The following INPP4B variants were observed in gnomAD, a reference collection of about 807,000 sequenced individuals.
INPP4B encodes inositol polyphosphate 4-phosphatase type II.
Under a neutral mutation model 122.5 loss-of-function variants are expected in INPP4B, and 55 were observed. The ratio of observed to expected loss-of-function variants is 0.45; its 90% CI spans 0.36 to 0.56. The LOEUF (loss-of-function observed/expected upper bound fraction) is 0.56, where lower values mean the gene tolerates loss of function less well. Ranked by LOEUF, INPP4B falls within the 20% of genes least tolerant of loss-of-function variation. The pLI is 0.00. For missense variants in INPP4B, 1,000 were observed against 1,097.7 expected, an observed-to-expected ratio of 0.91 and a Z score of 1.26; for synonymous variants, 403 against 388.7, an observed-to-expected ratio of 1.04 and a Z score of -0.43.
chr4:142,826,309 A>G (rs940733632), intron 1 of INPP4B, among the ~76,000 whole-genome samples: 2 of 152,228 alleles, frequency 1.3e-5, no homozygotes, highest in African/African-American at 4.8e-5. Context: ...CTTCGTTTTT[A>G]CTATTCTTGC....
chr4:142,724,827 C>T (rs1765134827), intron 2 of INPP4B, among the ~76,000 whole-genome samples: 1 of 152,032 alleles, frequency 6.6e-6, no homozygotes, highest in Non-Finnish European at 1.5e-5. Context: ...AATAAGCTTT[C>T]TGCTGATATC....
intron 1 of INPP4B, among the ~76,000 whole-genome samples, chr4:142,827,343 T>C (rs1781572030): frequency 6.6e-6 from 1 of 152,222 alleles, no homozygotes; most frequent in Admixed American, 6.6e-5. Flanking sequence ...TTTTATTTTA[T>C]CTGCTCCACT....
intron 25 of INPP4B, among the ~76,000 whole-genome samples, chr4:142,047,563 T>C (rs1752240972): frequency 6.6e-6 from 1 of 152,050 alleles, no homozygotes; most frequent in South Asian, 2.1e-4. Context: ...ATCTCATTAG[T>C]ACTCCATGGG....
intron 7 of INPP4B, among the ~76,000 whole-genome samples, chr4:142,378,133 C>T (rs188916107): frequency 6.6e-6 from 1 of 152,246 alleles, no homozygotes; most frequent in East Asian, 1.9e-4. Flanking sequence ...AGAGCAGGTG[C>T]TGAAGTCTCC....
chr4:142,224,147 C>T (rs1561532619), intron 12 of INPP4B, among the ~76,000 whole-genome samples: 1 of 152,156 alleles, frequency 6.6e-6, no homozygotes, highest in Non-Finnish European at 1.5e-5. Context: ...GATATAAAAT[C>T]ATGCCTACCT....
intron 2 of INPP4B, among the ~76,000 whole-genome samples, chr4:142,544,963 C>T (rs1226579993): frequency 6.6e-6 from 1 of 152,018 alleles, no homozygotes. Flanking sequence ...CACTGAGAAA[C>T]AAAACCATGT....
chr4:142,654,631 T>C (rs1342842198), intron 2 of INPP4B: 1 of 152,230 alleles, frequency 6.6e-6, no homozygotes, highest in Non-Finnish European at 1.5e-5. Context: ...GTTTCTAAAG[T>C]TCTTGTTTCA....
chr4:142,640,548 T>A (rs1750161251), intron 2 of INPP4B, among the ~76,000 whole-genome samples: 1 of 151,778 alleles, frequency 6.6e-6, no homozygotes, highest in Non-Finnish European at 1.5e-5. Flanking sequence ...GGATATAACA[T>A]CAACAATTTA....
At chr4:142,604,140 C>T (rs1012066906) in intron 2 of INPP4B, among the ~76,000 whole-genome samples, 1 of 151,998 alleles carries the variant, frequency 6.6e-6, no homozygotes, top group African/African-American at 2.4e-5. Context: ...ATGATCATAT[C>T]AATAGATGCA....
At position 142,208,518 on chromosome 4, in the gene INPP4B, T is replaced by G. The variant is rs764892826; in HGVS notation, c.979A>C (p.Lys327Gln). The change falls in exon 14 of 26, where the codon AAA becomes CAA. Residue 327 changes from lysine (K) to glutamine (Q), a missense_variant. Lys to Gln is a moderately conservative substitution (Grantham distance 53). Coordinates refer to ENST00000262992, the MANE Select transcript of INPP4B (RefSeq NM_001101669.3). Reference protein sequence around the residue: ...ELSKETGSSFKSSSSKGEKTL... With the variant: ...ELSKETGSSFQSSSSKGEKTL... ...TTCTCTCCTTTGCTGCTGCTTGATT[T>G]GAAAGAGGACCCTGATGGAAACCAG... is the stretch of plus-strand genomic sequence containing the variant. 1.3e-6 allele frequency: 2 copies of G among 1,586,314 alleles called. No homozygotes were observed.
At chr4:142,383,528 A>G (rs139003525) in intron 7 of INPP4B, among the ~76,000 whole-genome samples, 1 of 152,156 alleles carries the variant, frequency 6.6e-6, no homozygotes, top group African/African-American at 2.4e-5. Flanking sequence ...TTATGTGGAC[A>G]TGTCAAAATT....
At chr4:142,556,866 C>A (rs977421182) in intron 2 of INPP4B, among the ~76,000 whole-genome samples, 5 of 152,046 alleles carry the variant, frequency 3.3e-5, no homozygotes, top group African/African-American at 4.8e-5. Flanking sequence ...AAGCTGATAC[C>A]TAGGAAACCT....
intron 10 of INPP4B, among the ~76,000 whole-genome samples, chr4:142,263,894 C>T (rs778458168): frequency 1.3e-5 from 2 of 151,534 alleles, no homozygotes; most frequent in African/African-American, 4.8e-5. Context: ...GTGCAGGGGC[C>T]TTGAGTTGGC....
intron 7 of INPP4B, among the ~76,000 whole-genome samples, chr4:142,329,892 G>A (rs1773815119): frequency 6.6e-6 from 1 of 151,844 alleles, no homozygotes; most frequent in Admixed American, 6.6e-5. Flanking sequence ...TTTTTACACT[G>A]TAAATATTAA....
intron 1 of INPP4B, among the ~76,000 whole-genome samples, chr4:142,750,673 C>T (rs1769549307): frequency 6.6e-6 from 1 of 152,048 alleles, no homozygotes. Flanking sequence ...GGTGCTGGTG[C>T]AGCATAAACA....
chr4:142,272,227 A>G (rs190816590), intron 9 of INPP4B, among the ~76,000 whole-genome samples: 187 of 152,198 alleles, frequency 1.2e-3, no homozygotes, highest in African/African-American at 4.5e-3. Flanking sequence ...GGGCATTTCT[A>G]TGAGTAGTTT....
chr4:142,442,903 C>T (rs1435112549), intron 3 of INPP4B, among the ~76,000 whole-genome samples: 2 of 152,132 alleles, frequency 1.3e-5, no homozygotes, highest in Non-Finnish European at 2.9e-5. Context: ...AAAGAAGAAA[C>T]AAAGGCACAT....
chr4:142,481,776 G>A (rs1279124298), intron 2 of INPP4B, among the ~76,000 whole-genome samples: 2 of 152,136 alleles, frequency 1.3e-5, no homozygotes, highest in Non-Finnish European at 2.9e-5. Context: ...ATGGTTCTGT[G>A]ATAGTGCAAA....
intron 2 of INPP4B, among the ~76,000 whole-genome samples, chr4:142,523,090 A>C (rs1022746769): frequency 3.3e-5 from 5 of 152,146 alleles, no homozygotes; most frequent in Admixed American, 3.3e-4. Flanking sequence ...GGTTTGGAGG[A>C]CAAGATATAA....
Sources: gnomAD v4.1 joint callset for allele counts (sites outside exome capture counted in the v4.1 genomes callset) on GRCh38, gnomAD v4.1.1 for gene constraint, MANE v1.5 for transcripts, NCBI Gene and HGNC (gene_info 2026-07-23, HGNC 2026-07-21) for gene names.